The following ATP10B variants were observed in gnomAD, a reference collection of about 807,000 sequenced individuals.
ATP10B encodes ATPase phospholipid transporting 10B (putative), also known as phospholipid-transporting ATPase VB.
ATP10B carries 122 observed loss-of-function variants against 141.2 expected under a neutral mutation model. The observed-to-expected ratio is 0.86, with a 90% CI of 0.75 to 1.00. The LOEUF (loss-of-function observed/expected upper bound fraction) is 1.00. ATP10B is among the 50% of genes least tolerant of loss of function. ATP10B has a pLI of 0.00. For synonymous variants in ATP10B, 685 were observed against 692.0 expected (o/e 0.99, Z 0.16); for missense variants, 1,876 against 1,825.3 (o/e 1.03, Z -0.51).
the ATP10B span, among the ~76,000 whole-genome samples, chr5:160,885,374 T>C: frequency 6.6e-6 from 1 of 152,036 alleles, no homozygotes; most frequent in African/African-American, 2.4e-5. Flanking sequence ...AGAGAAAAAG[T>C]GGTTCCTCAG....
At chr5:160,762,842 ATAAACT>A (rs994348416) in intron 2 of ATP10B, among the ~76,000 whole-genome samples, 155 of 131,074 alleles carry the variant, frequency 1.2e-3, no homozygotes, top group African/African-American at 4.2e-3. Context: ...GAAGACTCAC[ATAAACT>A]TAAGATAAAG....
At position 160,565,420 on chromosome 5, in the gene ATP10B, C is replaced by T. The variant is rs770680897; in HGVS notation, c.*33G>A. On this transcript the variant is annotated 3_prime_UTR_variant, in exon 26 of 26. Transcript: ENST00000327245. ...TTATGTGGACCAGTGACTAGGTGGC[C>T]TCTGTTGAGTTTGTACAGATTTCTG... 5.6e-6 allele frequency: 9 copies of T among 1,603,224 alleles called. No individual in the cohort carries two copies. Among genetic ancestry groups the T allele is most frequent in the Middle Eastern group, 1.7e-4 (1 of 6,018 alleles).
chr5:160,886,771 C>T, the ATP10B span, among the ~76,000 whole-genome samples: 1 of 152,128 alleles, frequency 6.6e-6, no homozygotes, highest in South Asian at 2.1e-4. Flanking sequence ...GGCAATGGTC[C>T]ATGCCATAAT....
the ATP10B span, among the ~76,000 whole-genome samples, chr5:160,886,746 T>A: frequency 4.6e-5 from 7 of 152,138 alleles, no homozygotes; most frequent in African/African-American, 1.4e-4. Context: ...CTCTAAAAGA[T>A]GACAGCTAAC....
chr5:160,862,406 A>C, the ATP10B span, among the ~76,000 whole-genome samples: 1 of 151,876 alleles, frequency 6.6e-6, no homozygotes, highest in African/African-American at 2.4e-5. Flanking sequence ...TACCCTGTGG[A>C]TTTCACACTT....
At chr5:160,795,214 G>A (rs1479136657) in intron 1 of ATP10B, among the ~76,000 whole-genome samples, 2 of 152,182 alleles carry the variant, frequency 1.3e-5, no homozygotes, top group Non-Finnish European at 2.9e-5. Flanking sequence ...ATCTTGAGCT[G>A]AGTCTCAAAC....
intron 2 of ATP10B, among the ~76,000 whole-genome samples, chr5:160,758,805 G>C (rs1199368916): frequency 1.3e-5 from 2 of 152,124 alleles, no homozygotes; most frequent in Non-Finnish European, 2.9e-5. Context: ...AGAGAGACAG[G>C]GCAGGTAAGA....
intron 2 of ATP10B, among the ~76,000 whole-genome samples, chr5:160,777,512 C>A (rs887842705): frequency 6.6e-6 from 1 of 152,200 alleles, no homozygotes; most frequent in African/African-American, 2.4e-5. Flanking sequence ...ATACAAGTAC[C>A]TTTCTCTCAT....
intron 10 of ATP10B, among the ~76,000 whole-genome samples, chr5:160,638,786 C>G (rs1380117383): frequency 6.6e-6 from 1 of 152,224 alleles, no homozygotes; most frequent in Non-Finnish European, 1.5e-5. Context: ...TTTCTGGACT[C>G]AGGACATGAG....
At chr5:160,705,362 C>T (rs145466294) in intron 3 of ATP10B, among the ~76,000 whole-genome samples, 1 of 152,276 alleles carries the variant, frequency 6.6e-6, no homozygotes, top group East Asian at 1.9e-4. Context: ...GCTGGGACTA[C>T]AGGTGCAGGC....
intron 2 of ATP10B, among the ~76,000 whole-genome samples, chr5:160,742,912 A>G (rs1767575811): frequency 6.6e-6 from 1 of 152,198 alleles, no homozygotes; most frequent in Admixed American, 6.5e-5. Context: ...TCCTAAGGCA[A>G]TCCCTTGACT....
At position 160,607,013 on chromosome 5, in the gene ATP10B, C is replaced by A. The variant is rs61734671; in HGVS notation, c.2912G>T (p.Arg971Leu). The A allele has an allele frequency of 3.7e-6, 6 of 1,613,950 alleles. No homozygotes were observed. Among genetic ancestry groups the A allele is most frequent in the Non-Finnish European group, 4.2e-6 (5 of 1,180,004 alleles). Residue 971 changes from arginine to leucine, a missense_variant, in exon 19 of 26, where the codon CGC becomes CTC. By Grantham distance (102) the Arg-to-Leu change is moderately radical. Transcript: ENST00000327245. ...KQFRELQKPDRKLFGFRLPSK... is the reference protein window; with the variant it reads ...KQFRELQKPDLKLFGFRLPSK... ...AGGTAAGCGGAATCCAAAGAGCTTG[C>A]GGTCTGGCTTCTGTAGTTCACGAAA...
At chr5:160,671,968 C>G (rs1161180746) in intron 6 of ATP10B, among the ~76,000 whole-genome samples, 1 of 73,420 alleles carries the variant, frequency 1.4e-5, no homozygotes, top group Non-Finnish European at 2.8e-5. Context: ...GGCAATGCAT[C>G]CTTTTTTTTT....
At chr5:160,901,884 T>A in the ATP10B span, among the ~76,000 whole-genome samples, 2 of 152,336 alleles carry the variant, frequency 1.3e-5, no homozygotes, top group Non-Finnish European at 2.9e-5. Context: ...GTCTTATAGA[T>A]GACACCTTAC....
intron 15 of ATP10B, among the ~76,000 whole-genome samples, chr5:160,619,444 T>C (rs1414526624): frequency 6.6e-6 from 1 of 152,130 alleles, no homozygotes; most frequent in Non-Finnish European, 1.5e-5. Flanking sequence ...GTGCCGTGGC[T>C]CCCTTGACTC....
In ATP10B at chr5:160,653,468, CATACATACATAGGTAGTATATATACATAT is replaced by C. The variant is rs1761092952; in HGVS notation, c.676-4241_676-4213del. 2.8e-5 allele frequency among the ~76,000 whole-genome samples: 2 copies of C among 72,030 alleles called. 1 individual carries two copies. Among genetic ancestry groups the C allele is most frequent in the Non-Finnish European group, 5.6e-5 (2 of 35,666 alleles). The allele number at this position is 72,030 out of a possible 152,430, so 47.3% of individuals were successfully genotyped here. A position where few individuals can be genotyped will look rare whatever the true frequency, so the allele number is the denominator to read the frequency against. On this transcript the variant is annotated intron_variant, in intron 7 of 25. Transcript: ENST00000327245. ...CATAGGTAGTATATATACATATGTA[CATACATACATAGGTAGTATATATACATAT>C]GTACATATATACATAGGTAGTATAT... is the stretch of plus-strand genomic sequence containing the variant.
chr5:160,609,460 C>T (rs1293654878), intron 18 of ATP10B, among the ~76,000 whole-genome samples: 1 of 151,786 alleles, frequency 6.6e-6, no homozygotes, highest in East Asian at 1.9e-4. Context: ...CTCACTGCAA[C>T]CTCTGCCTCC....
intron 3 of ATP10B, among the ~76,000 whole-genome samples, chr5:160,703,297 C>T (rs1764781436): frequency 6.6e-6 from 1 of 152,090 alleles, no homozygotes; most frequent in Non-Finnish European, 1.5e-5. Context: ...TTTAGTTCCC[C>T]AGTGCATAGA....
Position 160,785,691 on chromosome 5 carries a change from C to A in ATP10B, c.-463G>T. 7.8e-7 allele frequency: 1 copy of A among 1,287,540 alleles called. No individual in the cohort carries two copies. The highest frequency in any genetic ancestry group is 1.0e-6 in the Non-Finnish European group (1 of 987,836). The allele number at this position is 1,287,540 out of a possible 1,614,324, so 79.8% of individuals were successfully genotyped here. The stretch of plus-strand genomic sequence containing the variant: ...CTCATCTTGGCAGTGGAGAGGAGTT[C>A]ATTATCTCCACTGAGTGAGATGAAT... On this transcript the variant is annotated 5_prime_UTR_variant, in exon 2 of 26. It removes an upstream start codon present in the reference 5' UTR. Transcript: ENST00000327245.
Sources: allele counts gnomAD v4.1 joint callset (sites outside exome capture counted in the v4.1 genomes callset), GRCh38; gene constraint gnomAD v4.1.1; transcripts MANE v1.5; gene names NCBI Gene and HGNC (gene_info 2026-07-23, HGNC 2026-07-21).